The following DIP2C variants were observed in gnomAD, a reference collection of about 807,000 sequenced individuals.
The protein encoded by DIP2C is DIP2 acetate--CoA ligase C (putative).
Under a neutral mutation model 192.4 loss-of-function variants are expected in DIP2C, and 33 were observed. The ratio of observed to expected loss-of-function variants is 0.17; its 90% CI spans 0.13 to 0.23. The LOEUF (loss-of-function observed/expected upper bound fraction) is 0.23. Ranked by LOEUF, DIP2C falls within the 10% of genes least tolerant of loss-of-function variation. The pLI is 1.00. For missense variants in DIP2C, 1,537 were observed against 2,110.1 expected, an observed-to-expected ratio of 0.73 and a Z score of 5.32; for synonymous variants, 979 against 864.1, an observed-to-expected ratio of 1.13 and a Z score of -2.33.
intron 1 of DIP2C, among the ~76,000 whole-genome samples, chr10:548,282 T>C (rs1272398322): frequency 7.8e-6 from 1 of 128,628 alleles, no homozygotes; most frequent in Non-Finnish European, 1.6e-5. Flanking sequence ...CTTGGTGCCC[T>C]CTCTGGAGTT....
intron 1 of DIP2C, among the ~76,000 whole-genome samples, chr10:495,145 G>T (rs376620784): frequency 5.9e-5 from 9 of 152,196 alleles, no homozygotes; most frequent in African/African-American, 2.2e-4. Flanking sequence ...AATACTGCAT[G>T]ATCTCACTTA....
At chr10:600,819 C>T (rs939923364) in intron 1 of DIP2C, among the ~76,000 whole-genome samples, 7 of 152,228 alleles carry the variant, frequency 4.6e-5, no homozygotes, top group Non-Finnish European at 8.8e-5. Context: ...AATTTTATAA[C>T]CACGTCTCAA....
intron 3 of DIP2C, among the ~76,000 whole-genome samples, chr10:457,051 C>T (rs1969361230): frequency 6.6e-6 from 1 of 152,122 alleles, no homozygotes; most frequent in Non-Finnish European, 1.5e-5. Flanking sequence ...CTCACATATC[C>T]ACCTCCAATT....
intron 1 of DIP2C, among the ~76,000 whole-genome samples, chr10:556,287 G>A (rs56181016): frequency 7.3e-5 from 2 of 27,344 alleles, no homozygotes; most frequent in African/African-American, 1.5e-4. Context: ...TCCCACAGCC[G>A]GATCCCAGGA....
At chr10:559,613 T>TCCTA (rs1849091330) in intron 1 of DIP2C, among the ~76,000 whole-genome samples, 1 of 152,200 alleles carries the variant, frequency 6.6e-6, no homozygotes, top group African/African-American at 2.4e-5. Flanking sequence ...GTCTCTGCCT[T>TCCTA]CCTACCTCCC....
At position 534,664 on chromosome 10, in the gene DIP2C, GATT is replaced by G. The variant is rs201808206; in HGVS notation, c.86-48137_86-48135del. ...ATCTTACAGTGTTTGTCTGCTGGAT[GATT>G]ATTATTTTTTTTTTTTTTTTGAGAC... On this transcript the variant is annotated intron_variant, in intron 1 of 36. Coordinates refer to ENST00000280886, the MANE Select transcript of DIP2C (RefSeq NM_014974.3). 9.5e-5 allele frequency among the ~76,000 whole-genome samples: 13 copies of G among 136,910 alleles called. 1 individual carries two copies. The highest frequency in any genetic ancestry group is 4.6e-4 in the South Asian group (2 of 4,362). 89.8% of individuals were successfully genotyped at this position (136,910 alleles called of 152,430 possible).
chr10:512,478 G>A (rs555489619), intron 1 of DIP2C, among the ~76,000 whole-genome samples: 1 of 152,246 alleles, frequency 6.6e-6, no homozygotes, highest in Admixed American at 6.5e-5. Flanking sequence ...AGGGTGCTGA[G>A]GTGGGAGGAT....
intron 31 of DIP2C, among the ~76,000 whole-genome samples, chr10:311,019 A>G (rs1333850021): frequency 6.6e-6 from 1 of 152,030 alleles, no homozygotes. Context: ...TATTGCTTAT[A>G]TATAAGAAAA....
chr10:594,285 C>G (rs1263287372), intron 1 of DIP2C, among the ~76,000 whole-genome samples: 2 of 152,196 alleles, frequency 1.3e-5, no homozygotes, highest in South Asian at 4.1e-4. Flanking sequence ...TCACACCTGA[C>G]ACCTAAGAAT....
intron 28 of DIP2C, among the ~76,000 whole-genome samples, chr10:342,071 G>GTCC (rs1276824875): frequency 2.0e-5 from 3 of 152,192 alleles, no homozygotes; most frequent in African/African-American, 7.2e-5. Flanking sequence ...AGAACTGTTG[G>GTCC]TCCTCCAGGA....
intron 1 of DIP2C, among the ~76,000 whole-genome samples, chr10:530,327 C>G (rs1847289180): frequency 6.6e-6 from 1 of 152,186 alleles, no homozygotes; most frequent in Non-Finnish European, 1.5e-5. Flanking sequence ...ACATCTCTAA[C>G]TGATGAGAAT....
At chr10:486,201 TTAAAG>T (rs1844001951) in intron 2 of DIP2C, among the ~76,000 whole-genome samples, 1 of 152,250 alleles carries the variant, frequency 6.6e-6, no homozygotes. Flanking sequence ...TTATAGCATT[TTAAAG>T]TAACCAACCC....
At chr10:484,889 T>C in intron 2 of DIP2C, 6 of 1,611,802 alleles carry the variant, frequency 3.7e-6, no homozygotes, top group Non-Finnish European at 4.2e-6. Flanking sequence ...CGGAATGTTC[T>C]CCTCGGCGCT....
intron 1 of DIP2C, among the ~76,000 whole-genome samples, chr10:678,364 A>G (rs1417530194): frequency 1.3e-5 from 2 of 152,154 alleles, no homozygotes; most frequent in Admixed American, 1.3e-4. Context: ...CTATCTTTAA[A>G]AAAAGAAAGA....
chr10:550,584 C>T (rs946854057), intron 1 of DIP2C, among the ~76,000 whole-genome samples: 3 of 152,186 alleles, frequency 2.0e-5, no homozygotes, highest in Admixed American at 6.5e-5. Flanking sequence ...ACAATCAGAT[C>T]TGTGACCTCC....
chr10:538,169 T>C (rs1011776038), intron 1 of DIP2C, among the ~76,000 whole-genome samples: 6 of 152,120 alleles, frequency 3.9e-5, no homozygotes, highest in African/African-American at 1.2e-4. Flanking sequence ...CCCGAGGAGT[T>C]TTCTTTGGGA....
chr10:390,423 C>A, intron 11 of DIP2C, 50 bp from the exon 12 acceptor site: 1 of 1,557,388 alleles, frequency 6.4e-7, no homozygotes, highest in South Asian at 1.1e-5. Flanking sequence ...GAAAGTCGGT[C>A]TGTAGAATTT....
chr10:448,458 C>A (rs1186635466), intron 3 of DIP2C, among the ~76,000 whole-genome samples: 2 of 146,730 alleles, frequency 1.4e-5, no homozygotes, highest in Non-Finnish European at 3.0e-5. Context: ...GCAGCAGGAC[C>A]CACTCATCCC....
intron 29 of DIP2C, among the ~76,000 whole-genome samples, chr10:331,295 T>G (rs901604172): frequency 2.0e-5 from 3 of 152,202 alleles, no homozygotes; most frequent in African/African-American, 7.2e-5. Context: ...CTAACAAAAT[T>G]TATTTCAAAC....
Sources: allele counts gnomAD v4.1 joint callset (sites outside exome capture counted in the v4.1 genomes callset), GRCh38; gene constraint gnomAD v4.1.1; transcripts MANE v1.5; gene names NCBI Gene and HGNC (gene_info 2026-07-23, HGNC 2026-07-21).